The following FOXP1 variants were observed in gnomAD, a reference collection of about 807,000 sequenced individuals.
The protein encoded by FOXP1 is forkhead box protein P1.
In FOXP1, 15 loss-of-function variants were observed where a neutral mutation model predicts 98.2. That is an observed-to-expected ratio of 0.15 (90% CI 0.10 to 0.24). FOXP1 has a LOEUF of 0.24. Among genes scored for constraint, FOXP1 ranks in the 10% least tolerant of loss-of-function variants. The pLI is 1.00. For synonymous variants in FOXP1, 371 were observed against 314.5 expected, an observed-to-expected ratio of 1.18 and a Z score of -1.90; for missense variants, 633 against 848.5, an observed-to-expected ratio of 0.75 and a Z score of 3.15.
intron 6 of FOXP1, among the ~76,000 whole-genome samples, chr3:71,144,354 C>T (rs2060205771): frequency 6.6e-6 from 1 of 152,132 alleles, no homozygotes; most frequent in African/African-American, 2.4e-5. Context: ...ACCCAGCATG[C>T]AAGGCAGCCA....
intron 2 of FOXP1, among the ~76,000 whole-genome samples, chr3:71,498,414 A>G (rs1227350156): frequency 2.0e-5 from 3 of 152,196 alleles, no homozygotes; most frequent in Non-Finnish European, 4.4e-5. Context: ...GGAAAACAAC[A>G]ACAGCACAGA....
chr3:71,186,570 G>A (rs906021290), intron 6 of FOXP1, among the ~76,000 whole-genome samples: 1 of 152,210 alleles, frequency 6.6e-6, no homozygotes, highest in African/African-American at 2.4e-5. Context: ...AATTAGCTGG[G>A]TGTGGTGGCG....
intron 3 of FOXP1, among the ~76,000 whole-genome samples, chr3:71,370,656 G>A (rs1437156469): frequency 6.6e-6 from 1 of 152,110 alleles, no homozygotes; most frequent in Non-Finnish European, 1.5e-5. Context: ...TAGTGCATTT[G>A]TAGTAAGTCC....
intron 3 of FOXP1, among the ~76,000 whole-genome samples, chr3:71,455,857 C>G (rs1164263343): frequency 6.6e-6 from 1 of 152,226 alleles, no homozygotes; most frequent in Non-Finnish European, 1.5e-5. Flanking sequence ...CTTTATCTCC[C>G]ATTGCAGATC....
At chr3:71,580,966 A>T (rs1225806501) in intron 2 of FOXP1, 1 of 985,342 alleles carries the variant, frequency 1.0e-6, no homozygotes, top group African/African-American at 1.7e-5. Flanking sequence ...GCGCAATTCC[A>T]GCCCCTCAGA....
intron 3 of FOXP1, among the ~76,000 whole-genome samples, chr3:71,482,717 A>T (rs62247164): frequency 6.6e-6 from 1 of 151,980 alleles, no homozygotes; most frequent in African/African-American, 2.4e-5. Context: ...ACATAACTTT[A>T]AAATTTTTTT....
chr3:71,286,648 C>T (rs1283937331), intron 5 of FOXP1, among the ~76,000 whole-genome samples: 2 of 152,026 alleles, frequency 1.3e-5, no homozygotes, highest in Non-Finnish European at 2.9e-5. Context: ...TAACAAGCTG[C>T]AAATCAAGTT....
At chr3:71,502,013 G>A (rs1232216864) in intron 2 of FOXP1, among the ~76,000 whole-genome samples, 1 of 152,190 alleles carries the variant, frequency 6.6e-6, no homozygotes, top group Non-Finnish European at 1.5e-5. Flanking sequence ...GTTGGGAGGC[G>A]TGACGCTCAT....
At chr3:70,966,176 C>A in intron 19 of FOXP1, 120 bp from the exon 20 acceptor site, 4 of 912,346 alleles carry the variant, frequency 4.4e-6, no homozygotes, top group East Asian at 2.7e-5. Flanking sequence ...CTGGCAAATA[C>A]AAGTTTCTAA....
intron 3 of FOXP1, among the ~76,000 whole-genome samples, chr3:71,461,350 A>C (rs1341455918): frequency 6.6e-6 from 1 of 152,208 alleles, no homozygotes; most frequent in East Asian, 1.9e-4. Flanking sequence ...AGATCGACGA[A>C]TTACCCAGAA....
chr3:71,137,034 C>T (rs1032785991), intron 6 of FOXP1, among the ~76,000 whole-genome samples: 1 of 152,146 alleles, frequency 6.6e-6, no homozygotes, highest in Non-Finnish European at 1.5e-5. Context: ...CTTCCATTAG[C>T]ATTAGCAGGA....
intron 4 of FOXP1, among the ~76,000 whole-genome samples, chr3:71,331,200 G>A (rs2076275245): frequency 6.6e-6 from 1 of 152,230 alleles, no homozygotes; most frequent in African/African-American, 2.4e-5. Flanking sequence ...TCTGGGGTGA[G>A]TGGGCTCGGC....
At position 71,408,443 on chromosome 3, in the gene FOXP1, C is replaced by T. The variant is rs572918395; in HGVS notation, c.-167-49199G>A. Among the ~76,000 whole-genome samples, 23 of 152,254 alleles carry T rather than the reference C, an allele frequency of 1.5e-4. No individual in the cohort carries two copies. The South Asian group carries it at 2.9e-3, about 19-fold the overall frequency. On this transcript the variant is annotated intron_variant, in intron 3 of 20. Transcript: ENST00000649528. ...ACAGCCGTTACCATGCGCACATTCA[C>T]GAGGTTTTTAAATATACATTGTGCC...
intron 5 of FOXP1, among the ~76,000 whole-genome samples, chr3:71,269,375 G>A (rs1185563993): frequency 6.6e-6 from 1 of 152,094 alleles, no homozygotes; most frequent in South Asian, 2.1e-4. Context: ...TAAACTTAAT[G>A]TGTATTCATC....
chr3:71,305,583 ATC>A (rs1186167916), intron 4 of FOXP1: 1 of 152,206 alleles, frequency 6.6e-6, no homozygotes, highest in Non-Finnish European at 1.5e-5. Context: ...TGGCAGCATT[ATC>A]TGCAGGATAG....
At chr3:71,159,943 G>A (rs2061048528) in intron 6 of FOXP1, among the ~76,000 whole-genome samples, 1 of 152,172 alleles carries the variant, frequency 6.6e-6, no homozygotes, top group South Asian at 2.1e-4. Flanking sequence ...TGATTCTGCT[G>A]AATTACAGAT....
intron 7 of FOXP1, among the ~76,000 whole-genome samples, chr3:71,073,204 C>A (rs2053456438): frequency 6.6e-6 from 1 of 152,152 alleles, no homozygotes. Flanking sequence ...ATGTCACAAC[C>A]CAACAGGCCA....
At chr3:71,410,538 T>C (rs1262931589) in intron 3 of FOXP1, among the ~76,000 whole-genome samples, 1 of 152,232 alleles carries the variant, frequency 6.6e-6, no homozygotes, top group Non-Finnish European at 1.5e-5. Flanking sequence ...GTCCTTATGA[T>C]TATGCAGTCA....
At chr3:70,966,522 A>C (rs1329036202) in intron 19 of FOXP1, among the ~76,000 whole-genome samples, 2 of 152,164 alleles carry the variant, frequency 1.3e-5, no homozygotes, top group African/African-American at 4.8e-5. Flanking sequence ...TTCCATAAAC[A>C]TTTACCTCTT....
Sources: gnomAD v4.1 joint callset for allele counts (sites outside exome capture counted in the v4.1 genomes callset) on GRCh38, gnomAD v4.1.1 for gene constraint, MANE v1.5 for transcripts, NCBI Gene and HGNC (gene_info 2026-07-23, HGNC 2026-07-21) for gene names.